Variants in BMPR2 observed in about 807,000 individuals in gnomAD.
BMPR2 encodes bone morphogenetic protein receptor type 2, also known as bone morphogenetic protein receptor type-2.
BMPR2 carries 29 observed loss-of-function variants against 100.8 expected under a neutral mutation model. The ratio of observed to expected loss-of-function variants is 0.29; its 90% CI spans 0.21 to 0.39. BMPR2 has a LOEUF of 0.39. BMPR2 is among the 10% of genes least tolerant of loss of function. BMPR2 has a pLI of 1.00. For missense variants in BMPR2, 1,011 were observed against 1,274.5 expected (o/e 0.79, Z 3.15); for synonymous variants, 382 against 442.3 (o/e 0.86, Z 1.71).
intron 12 of BMPR2, among the ~76,000 whole-genome samples, chr2:202,556,955 C>T (rs1027667398): frequency 2.6e-5 from 4 of 151,250 alleles, no homozygotes; most frequent in African/African-American, 9.7e-5. Flanking sequence ...TGGTGGCGTG[C>T]ACCTGTAATC....
intron 1 of BMPR2, among the ~76,000 whole-genome samples, chr2:202,406,365 C>T (rs1451415965): frequency 2.0e-5 from 3 of 152,168 alleles, no homozygotes; most frequent in Non-Finnish European, 4.4e-5. Flanking sequence ...AGAAGATGCT[C>T]TTACTTTGTT....
intron 1 of BMPR2, among the ~76,000 whole-genome samples, chr2:202,390,980 CTTTTT>C (rs11459505): frequency 1.9e-5 from 1 of 51,904 alleles, no homozygotes; most frequent in Non-Finnish European, 3.6e-5. Context: ...AGTAAGTAGT[CTTTTT>C]TTTTTTTTTT....
At chr2:202,418,000 G>C (rs910035062) in intron 1 of BMPR2, among the ~76,000 whole-genome samples, 1 of 152,118 alleles carries the variant, frequency 6.6e-6, no homozygotes, top group African/African-American at 2.4e-5. Context: ...TTACAGGTGT[G>C]AGCCACCGTG....
At chr2:202,559,671 C>T in intron 12 of BMPR2, 25 bp from the exon 13 acceptor site, 1 of 1,612,548 alleles carries the variant, frequency 6.2e-7, no homozygotes, top group Non-Finnish European at 8.5e-7. Context: ...TTAAATAGCT[C>T]ATTTTTCTGC....
intron 7 of BMPR2, among the ~76,000 whole-genome samples, chr2:202,523,416 G>A (rs1410309400): frequency 6.6e-6 from 1 of 152,186 alleles, no homozygotes; most frequent in East Asian, 1.9e-4. Context: ...TTCTACCAGA[G>A]AGACACAGGT....
intron 1 of BMPR2, among the ~76,000 whole-genome samples, chr2:202,438,291 C>T (rs150884335): frequency 0.056 from 8,478 of 150,140 alleles, 1,450 homozygotes; most frequent in African/African-American, 0.2. Flanking sequence ...CCAGCCTGGG[C>T]AACAAGAGCG....
chr2:202,514,292 T>A (rs1230639889), intron 4 of BMPR2, among the ~76,000 whole-genome samples: 4 of 152,106 alleles, frequency 2.6e-5, no homozygotes, highest in African/African-American at 9.7e-5. Flanking sequence ...GCCCACCTCC[T>A]CGCCCGGCTA....
intron 3 of BMPR2, among the ~76,000 whole-genome samples, chr2:202,507,699 CTTT>C: frequency 7.0e-6 from 1 of 142,178 alleles, no homozygotes; most frequent in East Asian, 2.0e-4. Context: ...CTTTTTTCAT[CTTT>C]TTTTTTTTTT....
intron 7 of BMPR2, among the ~76,000 whole-genome samples, chr2:202,524,098 C>A (rs1349712752): frequency 6.6e-6 from 1 of 151,852 alleles, no homozygotes; most frequent in Admixed American, 6.6e-5. Flanking sequence ...CGCGGTGGCT[C>A]ACGCCTGTAA....
At chr2:202,497,253 G>A (rs113091320) in intron 3 of BMPR2, among the ~76,000 whole-genome samples, 25,514 of 152,094 alleles carry the variant, frequency 0.17, 2,466 homozygotes, top group Middle Eastern at 0.24. Flanking sequence ...CCTGCTCCAC[G>A]GCGCCCAGTC....
chr2:202,433,313 CAG>C (rs1691543208), intron 1 of BMPR2, among the ~76,000 whole-genome samples: 1 of 150,256 alleles, frequency 6.7e-6, no homozygotes, highest in African/African-American at 2.5e-5. Flanking sequence ...AAGGGGACCT[CAG>C]AAAGTTCATG....
chr2:202,436,860 C>G (rs1034105824), intron 1 of BMPR2, among the ~76,000 whole-genome samples: 1 of 150,636 alleles, frequency 6.6e-6, no homozygotes, highest in Admixed American at 6.6e-5. Flanking sequence ...CTCTAGAATT[C>G]TTTACTAGGT....
At chr2:202,400,532 C>T (rs1690750703) in intron 1 of BMPR2, among the ~76,000 whole-genome samples, 1 of 152,070 alleles carries the variant, frequency 6.6e-6, no homozygotes, top group Admixed American at 6.6e-5. Flanking sequence ...TGACTGAAAA[C>T]TAAATTCTTT....
intron 3 of BMPR2, among the ~76,000 whole-genome samples, chr2:202,491,993 A>T (rs1692910706): frequency 6.6e-6 from 1 of 152,234 alleles, no homozygotes; most frequent in African/African-American, 2.4e-5. Context: ...AATTATTTTC[A>T]GCTACATACA....
At chr2:202,442,020 C>T (rs916796215) in intron 1 of BMPR2, among the ~76,000 whole-genome samples, 5 of 148,100 alleles carry the variant, frequency 3.4e-5, no homozygotes, top group Middle Eastern at 3.4e-3. Flanking sequence ...GGGACAAGAG[C>T]GAGACTTTGT....
At chr2:202,538,906 C>A (rs1688217160) in intron 9 of BMPR2, among the ~76,000 whole-genome samples, 1 of 149,858 alleles carries the variant, frequency 6.7e-6, no homozygotes, top group Non-Finnish European at 1.5e-5. Flanking sequence ...TTTTTAAAGA[C>A]AATTAAAAAT....
intron 11 of BMPR2, among the ~76,000 whole-genome samples, chr2:202,553,991 G>A (rs773780191): frequency 1.1e-4 from 17 of 152,090 alleles, no homozygotes; most frequent in Non-Finnish European, 1.8e-4. Context: ...CACCGTGCCC[G>A]GCCTATTTTC....
intron 1 of BMPR2, among the ~76,000 whole-genome samples, chr2:202,448,311 C>T (rs190148527): frequency 0.1 from 15,710 of 150,462 alleles, 1,036 homozygotes; most frequent in Non-Finnish European, 0.15. Flanking sequence ...ATTAGCCGGG[C>T]ATGGTGGCTG....
intron 1 of BMPR2, among the ~76,000 whole-genome samples, chr2:202,423,179 A>C (rs1691305226): frequency 6.6e-6 from 1 of 152,080 alleles, no homozygotes; most frequent in Non-Finnish European, 1.5e-5. Flanking sequence ...GTGAGCCACC[A>C]TGCCCAGCTG....
Sources: allele counts gnomAD v4.1 joint callset (sites outside exome capture counted in the v4.1 genomes callset), GRCh38; gene constraint gnomAD v4.1.1; transcripts MANE v1.5; gene names NCBI Gene and HGNC (gene_info 2026-07-23, HGNC 2026-07-21).